Variants in RBFOX1 observed in about 807,000 individuals in gnomAD.
The protein encoded by RBFOX1 is RNA binding protein fox-1 homolog 1.
A neutral mutation model predicts 57.7 loss-of-function variants in RBFOX1; 8 were observed. That is an observed-to-expected ratio of 0.14 (90% CI 0.08 to 0.25). The LOEUF is 0.25. Ranked by LOEUF, RBFOX1 falls within the 10% of genes least tolerant of loss-of-function variation. RBFOX1 has a pLI of 1.00. For synonymous variants in RBFOX1, 326 were observed against 222.4 expected (o/e 1.47, Z -4.15); for missense variants, 611 against 548.5 (o/e 1.11, Z -1.14).
At chr16:7,291,285 G>A (rs560696550) in intron 4 of RBFOX1, among the ~76,000 whole-genome samples, 15 of 152,186 alleles carry the variant, frequency 9.9e-5, no homozygotes, top group African/African-American at 3.4e-4. Context: ...CCTTAGTTTT[G>A]GGTATTTAAA....
chr16:5,482,310 T>G (rs2069573394), intron 2 of RBFOX1, among the ~76,000 whole-genome samples: 1 of 152,142 alleles, frequency 6.6e-6, no homozygotes, highest in South Asian at 2.1e-4. Flanking sequence ...AGGAGTGTGA[T>G]GCACACCATT....
chr16:6,455,613 CCTT>C (rs1438701365), intron 2 of RBFOX1, among the ~76,000 whole-genome samples: 1 of 152,192 alleles, frequency 6.6e-6, no homozygotes, highest in African/African-American at 2.4e-5. Flanking sequence ...TGCTGAAAGG[CCTT>C]CTTGTCCGAG....
chr16:5,562,153 A>G (rs1225428953), intron 2 of RBFOX1, among the ~76,000 whole-genome samples: 1 of 152,178 alleles, frequency 6.6e-6, no homozygotes, highest in East Asian at 1.9e-4. Flanking sequence ...ACCTCTCATC[A>G]TTCAGGAAAA....
chr16:7,312,374 C>G (rs1226623232), intron 4 of RBFOX1, among the ~76,000 whole-genome samples: 1 of 152,204 alleles, frequency 6.6e-6, no homozygotes, highest in Non-Finnish European at 1.5e-5. Context: ...GAGTGAAACT[C>G]TTTCTCAACA....
chr16:5,385,228 A>G (rs62019564), intron 1 of RBFOX1, among the ~76,000 whole-genome samples: 5,155 of 152,214 alleles, frequency 0.034, 117 homozygotes, highest in Middle Eastern at 0.095. Flanking sequence ...TGGCAAGGCC[A>G]GGATTAAAAG....
chr16:7,199,408 C>T (rs972455931), intron 4 of RBFOX1, among the ~76,000 whole-genome samples: 4 of 152,156 alleles, frequency 2.6e-5, no homozygotes, highest in Non-Finnish European at 5.9e-5. Context: ...TCCAAATAGG[C>T]CCTGAATCAT....
chr16:7,062,135 G>T (rs1032353511), intron 4 of RBFOX1, among the ~76,000 whole-genome samples: 1 of 151,704 alleles, frequency 6.6e-6, no homozygotes, highest in Admixed American at 6.6e-5. Flanking sequence ...GGCTAACACG[G>T]TGAAACCCCA....
intron 2 of RBFOX1, among the ~76,000 whole-genome samples, chr16:6,589,974 C>G (rs2097687796): frequency 6.6e-6 from 1 of 152,112 alleles, no homozygotes; most frequent in Admixed American, 6.5e-5. Flanking sequence ...ACCACAATTT[C>G]CAGTCACTCC....
At chr16:6,836,001 A>G (rs2093068867) in intron 3 of RBFOX1, among the ~76,000 whole-genome samples, 1 of 152,138 alleles carries the variant, frequency 6.6e-6, no homozygotes, top group South Asian at 2.1e-4. Context: ...TAACTGCAGA[A>G]GAAGCTCAGA....
chr16:5,501,276 C>T (rs145149508), intron 2 of RBFOX1, among the ~76,000 whole-genome samples: 30 of 137,692 alleles, frequency 2.2e-4, no homozygotes, highest in African/African-American at 8.3e-4. Context: ...TGAGATTGCT[C>T]CACTACATTC....
chr16:6,192,462 C>A (rs547238417), intron 1 of RBFOX1, among the ~76,000 whole-genome samples: 2 of 152,044 alleles, frequency 1.3e-5, no homozygotes, highest in African/African-American at 4.8e-5. Flanking sequence ...TCTTCCTTCC[C>A]TCTCCATTTT....
intron 3 of RBFOX1, among the ~76,000 whole-genome samples, chr16:6,969,820 C>G (rs2029627): frequency 0.77 from 116,982 of 152,034 alleles, 45,163 homozygotes; most frequent in African/African-American, 0.83. Context: ...GCCTCATCCT[C>G]GTTCTGGCCC....
At chr16:5,856,605 A>ATATATATATATATATATAT (rs57978858) in intron 3 of RBFOX1, among the ~76,000 whole-genome samples, 172 of 73,888 alleles carry the variant, frequency 2.3e-3, no homozygotes, top group Non-Finnish European at 3.2e-3. Context: ...ATATATATAT[A>ATATATATATATATATATAT]ATCTTAGCCA....
intron 3 of RBFOX1, among the ~76,000 whole-genome samples, chr16:5,707,318 G>C (rs1202576322): frequency 1.3e-5 from 2 of 152,182 alleles, no homozygotes; most frequent in Non-Finnish European, 2.9e-5. Context: ...TGTAATTTCT[G>C]CTTCTGCTGT....
chr16:6,600,205 T>G (rs1378078543), intron 2 of RBFOX1, among the ~76,000 whole-genome samples: 1 of 152,124 alleles, frequency 6.6e-6, no homozygotes, highest in Non-Finnish European at 1.5e-5. Flanking sequence ...CATTTTTCCT[T>G]GAAATTAATG....
At chr16:5,267,053 C>G (rs557628077) in intron 1 of RBFOX1, among the ~76,000 whole-genome samples, 3 of 151,728 alleles carry the variant, frequency 2.0e-5, no homozygotes, top group African/African-American at 7.3e-5. Context: ...AGGAGCCTTG[C>G]AAGGTGTCAT....
At chr16:7,495,677 C>A (rs760940562) in intron 4 of RBFOX1, among the ~76,000 whole-genome samples, 1 of 151,972 alleles carries the variant, frequency 6.6e-6, no homozygotes, top group South Asian at 2.1e-4. Flanking sequence ...AGAATTTATT[C>A]AAGTTTTAAT....
intron 2 of RBFOX1, among the ~76,000 whole-genome samples, chr16:6,485,462 G>A (rs1597964200): frequency 1.3e-5 from 2 of 151,222 alleles, no homozygotes; most frequent in South Asian, 2.1e-4. Context: ...GTTTTACCTG[G>A]TGCACAGAAA....
intron 1 of RBFOX1, among the ~76,000 whole-genome samples, chr16:6,209,413 T>C (rs546794512): frequency 2.8e-4 from 42 of 151,726 alleles, no homozygotes; most frequent in Admixed American, 1.4e-3. Flanking sequence ...CATCCAAACT[T>C]CCAAACTTCC....
Sources: gnomAD v4.1 joint callset for allele counts (sites outside exome capture counted in the v4.1 genomes callset) on GRCh38, gnomAD v4.1.1 for gene constraint, MANE v1.5 for transcripts, NCBI Gene and HGNC (gene_info 2026-07-23, HGNC 2026-07-21) for gene names.